Variants in BAZ2B observed in about 807,000 individuals in gnomAD.
BAZ2B encodes bromodomain adjacent to zinc finger domain 2B, also known as bromodomain adjacent to zinc finger domain protein 2B.
In BAZ2B, 91 loss-of-function variants were observed where a neutral mutation model predicts 246.0. The observed-to-expected ratio is 0.37, with a 90% CI of 0.31 to 0.44. BAZ2B has a LOEUF of 0.44. Ranked by LOEUF, BAZ2B falls within the 20% of genes least tolerant of loss-of-function variation. The pLI, the probability that BAZ2B is intolerant of heterozygous loss-of-function variation, is 1.00. For synonymous variants in BAZ2B, 855 were observed against 860.0 expected (o/e 0.99, Z 0.10); for missense variants, 2,332 against 2,533.7 (o/e 0.92, Z 1.71).
intron 27 of BAZ2B, among the ~76,000 whole-genome samples, chr2:159,357,722 C>T (rs145072668): frequency 0.013 from 1,961 of 152,252 alleles, 52 homozygotes; most frequent in African/African-American, 0.044. Flanking sequence ...AGAGAAAGGT[C>T]GGGTTACCTA....
the BAZ2B span, among the ~76,000 whole-genome samples, chr2:159,637,781 C>T: frequency 5.3e-4 from 81 of 152,248 alleles, no homozygotes; most frequent in Non-Finnish European, 9.4e-4. Context: ...ACACTGGTCT[C>T]GAACTTGTGA....
intron 20 of BAZ2B, among the ~76,000 whole-genome samples, chr2:159,393,428 T>C (rs1352449654): frequency 6.6e-6 from 1 of 152,190 alleles, no homozygotes; most frequent in Non-Finnish European, 1.5e-5. Context: ...TTATTTTGGT[T>C]TAATATTTTA....
chr2:159,462,141 A>C (rs56806726), intron 3 of BAZ2B: 20,347 of 329,928 alleles, frequency 0.062, 885 homozygotes, highest in Middle Eastern at 0.13. Flanking sequence ...CTCTCTCTCC[A>C]ACATTAAATG....
chr2:159,617,383 C>A (rs1209874081), upstream of BAZ2B, among the ~76,000 whole-genome samples: 1 of 152,090 alleles, frequency 6.6e-6, no homozygotes, highest in Non-Finnish European at 1.5e-5. Flanking sequence ...AGGCCCCATT[C>A]CCTCCCGCAC....
chr2:159,315,404 T>G (rs2062017462), downstream of BAZ2B, among the ~76,000 whole-genome samples: 1 of 152,162 alleles, frequency 6.6e-6, no homozygotes, highest in Admixed American at 6.5e-5. Context: ...GGCTCAGGGT[T>G]GCTTATGAAG....
the BAZ2B span, among the ~76,000 whole-genome samples, chr2:159,697,092 T>C: frequency 6.6e-6 from 1 of 151,786 alleles, no homozygotes; most frequent in Admixed American, 6.6e-5. Context: ...AGCCTGGTTA[T>C]GTGTAGTCTT....
intron 1 of BAZ2B, among the ~76,000 whole-genome samples, chr2:159,567,001 T>C (rs1682770051): frequency 6.6e-6 from 1 of 151,818 alleles, no homozygotes; most frequent in Non-Finnish European, 1.5e-5. Context: ...CCCAGCACTT[T>C]GGGAAGCTGA....
intron 2 of BAZ2B, among the ~76,000 whole-genome samples, chr2:159,523,521 T>C (rs372446062): frequency 2.1e-4 from 32 of 151,858 alleles, no homozygotes; most frequent in African/African-American, 5.6e-4. Flanking sequence ...CTGGCCAACA[T>C]AGTGAAACCC....
intron 1 of BAZ2B, among the ~76,000 whole-genome samples, chr2:159,594,371 C>A (rs968353265): frequency 6.6e-6 from 1 of 152,032 alleles, no homozygotes; most frequent in Non-Finnish European, 1.5e-5. Flanking sequence ...CGCGCCACCG[C>A]GCTCCAGCCT....
At chr2:159,684,294 A>G in the BAZ2B span, among the ~76,000 whole-genome samples, 69,536 of 152,098 alleles carry the variant, frequency 0.46, 16,748 homozygotes, top group Middle Eastern at 0.63. Flanking sequence ...AGCTTTTTGT[A>G]TGAACATAAA....
At chr2:159,338,020 C>T (rs941813790) in intron 31 of BAZ2B, among the ~76,000 whole-genome samples, 1 of 152,114 alleles carries the variant, frequency 6.6e-6, no homozygotes, top group Non-Finnish European at 1.5e-5. Context: ...GAACAATCAG[C>T]AAAATATTTT....
At chr2:159,688,526 T>C in the BAZ2B span, among the ~76,000 whole-genome samples, 4 of 152,334 alleles carry the variant, frequency 2.6e-5, no homozygotes, top group African/African-American at 9.6e-5. Flanking sequence ...ATAAGGAAGT[T>C]AGTATTAATA....
chr2:159,614,540 T>C (rs564703651), intron 1 of BAZ2B, among the ~76,000 whole-genome samples: 1 of 152,022 alleles, frequency 6.6e-6, no homozygotes, highest in Admixed American at 6.5e-5. Context: ...TTAACCAAGC[T>C]AATTTTCAAA....
chr2:159,480,599 C>T (rs921596597), intron 2 of BAZ2B, among the ~76,000 whole-genome samples: 1 of 152,052 alleles, frequency 6.6e-6, no homozygotes, highest in Non-Finnish European at 1.5e-5. Context: ...CACACACACA[C>T]TCACAGATAA....
At chr2:159,632,209 A>G in the BAZ2B span, among the ~76,000 whole-genome samples, 1 of 152,200 alleles carries the variant, frequency 6.6e-6, no homozygotes, top group Non-Finnish European at 1.5e-5. Context: ...TATGAAATCC[A>G]AGGGCATAAT....
At chr2:159,372,091 T>C (rs985247585) in intron 27 of BAZ2B, among the ~76,000 whole-genome samples, 2 of 152,208 alleles carry the variant, frequency 1.3e-5, no homozygotes, top group African/African-American at 4.8e-5. Context: ...GCTTTATTTA[T>C]ATTTTCTATT....
chr2:159,397,584 T>G (rs544459503), intron 18 of BAZ2B, among the ~76,000 whole-genome samples, 195 bp from the exon 19 acceptor site: 1 of 152,330 alleles, frequency 6.6e-6, no homozygotes, highest in South Asian at 2.1e-4. Flanking sequence ...AATACTTACA[T>G]AGAGATCATA....
intron 3 of BAZ2B, among the ~76,000 whole-genome samples, chr2:159,471,023 G>C (rs2077714676): frequency 6.6e-6 from 1 of 151,322 alleles, no homozygotes; most frequent in African/African-American, 2.4e-5. Flanking sequence ...AGGAATCTGG[G>C]GGAAAAAAAA....
intron 2 of BAZ2B, among the ~76,000 whole-genome samples, chr2:159,543,270 C>A (rs1432579371): frequency 6.6e-6 from 1 of 151,968 alleles, no homozygotes; most frequent in African/African-American, 2.4e-5. Context: ...CAATAATAAT[C>A]TTTTTGTTTG....
Sources: allele counts gnomAD v4.1 joint callset (sites outside exome capture counted in the v4.1 genomes callset), GRCh38; gene constraint gnomAD v4.1.1; transcripts MANE v1.5; gene names NCBI Gene and HGNC (gene_info 2026-07-23, HGNC 2026-07-21).